Variants in ITSN1 observed in about 807,000 individuals in gnomAD.
The protein encoded by ITSN1 is intersectin 1.
ITSN1 carries 58 observed loss-of-function variants against 239.8 expected under a neutral mutation model. That is an observed-to-expected ratio of 0.24 (90% CI 0.20 to 0.30). ITSN1 has a LOEUF of 0.30. ITSN1 is among the 10% of genes least tolerant of loss of function. ITSN1 has a pLI of 1.00. For missense variants in ITSN1, 1,558 were observed against 2,103.3 expected, an observed-to-expected ratio of 0.74 and a Z score of 5.07; for synonymous variants, 780 against 770.8, an observed-to-expected ratio of 1.01 and a Z score of -0.20.
At chr21:33,690,775 G>GTATGTA (rs2091477064) in intron 1 of ITSN1, among the ~76,000 whole-genome samples, 8 of 21,622 alleles carry the variant, frequency 3.7e-4, no homozygotes, top group African/African-American at 1.3e-3. Flanking sequence ...AAAAAAAAGT[G>GTATGTA]TATATATATA....
intron 1 of ITSN1, among the ~76,000 whole-genome samples, chr21:33,698,631 G>C (rs1352879055): frequency 1.1e-4 from 16 of 152,146 alleles, no homozygotes; most frequent in Non-Finnish European, 1.6e-4. Context: ...TGACAATAGG[G>C]CATTGATCAG....
chr21:33,734,995 G>T, intron 4 of ITSN1, 49 bp from the exon 5 acceptor site: 1 of 1,534,546 alleles, frequency 6.5e-7, no homozygotes, highest in Non-Finnish European at 8.8e-7. Context: ...GTTTTGGAAA[G>T]GTTCTTTTAT....
chr21:33,649,233 A>C (rs2088276991), intron 1 of ITSN1, among the ~76,000 whole-genome samples: 1 of 152,190 alleles, frequency 6.6e-6, no homozygotes, highest in Non-Finnish European at 1.5e-5. Context: ...TGGAGATAGA[A>C]AGTGGCCTAA....
At chr21:33,768,342 C>T (rs957612100) in intron 11 of ITSN1, among the ~76,000 whole-genome samples, 6 of 152,060 alleles carry the variant, frequency 3.9e-5, no homozygotes, top group African/African-American at 1.2e-4. Context: ...AGTGGAGTGG[C>T]GCAATCTAGG....
intron 16 of ITSN1, among the ~76,000 whole-genome samples, chr21:33,793,136 G>A (rs2071276223): frequency 6.6e-6 from 1 of 152,076 alleles, no homozygotes; most frequent in African/African-American, 2.4e-5. Flanking sequence ...CTAACCCTTA[G>A]GATTTTTTTC....
At chr21:33,673,404 A>G (rs2090416980) in intron 1 of ITSN1, among the ~76,000 whole-genome samples, 2 of 152,320 alleles carry the variant, frequency 1.3e-5, no homozygotes, top group African/African-American at 4.8e-5. Context: ...ACACGTAGCT[A>G]TGTGAGGAGA....
chr21:33,777,251 T>G (rs527668942), intron 14 of ITSN1, among the ~76,000 whole-genome samples: 8 of 152,320 alleles, frequency 5.3e-5, no homozygotes, highest in African/African-American at 1.9e-4. Context: ...TTGAGTTACC[T>G]TGGTAGCTTG....
At chr21:33,694,855 C>G (rs935135792) in intron 1 of ITSN1, among the ~76,000 whole-genome samples, 1 of 152,154 alleles carries the variant, frequency 6.6e-6, no homozygotes, top group Non-Finnish European at 1.5e-5. Flanking sequence ...GGGTCTTTCA[C>G]TCAGGCTGCA....
At chr21:33,807,409 C>T (rs1380363456) in intron 20 of ITSN1, among the ~76,000 whole-genome samples, 1 of 152,216 alleles carries the variant, frequency 6.6e-6, no homozygotes, top group African/African-American at 2.4e-5. Flanking sequence ...GTGATTTTGG[C>T]TCACTGCAAC....
intron 33 of ITSN1, among the ~76,000 whole-genome samples, 161 bp from the exon 34 acceptor site, chr21:33,875,193 C>T (rs536107706): frequency 4.6e-5 from 7 of 152,316 alleles, no homozygotes; most frequent in South Asian, 2.1e-4. Context: ...TCATCTGCTA[C>T]GTGATTGCCA....
intron 1 of ITSN1, among the ~76,000 whole-genome samples, chr21:33,644,858 A>G (rs892572678): frequency 4.0e-5 from 6 of 149,784 alleles, no homozygotes; most frequent in African/African-American, 1.5e-4. Context: ...GGGTCTGGCT[A>G]TGTCACAGGC....
intron 33 of ITSN1, 86 bp from the exon 34 acceptor site, chr21:33,875,268 C>G: frequency 6.1e-6 from 9 of 1,480,642 alleles, no homozygotes; most frequent in Non-Finnish European, 1.9e-6. Flanking sequence ...TGCCCTGCCC[C>G]GCTGGGCCTG....
chr21:33,876,575 C>A (rs1983956026), intron 34 of ITSN1, among the ~76,000 whole-genome samples: 1 of 152,070 alleles, frequency 6.6e-6, no homozygotes. Context: ...AAATGTTAAT[C>A]CTTCTTATTT....
At chr21:33,653,585 C>T (rs1027565704) in intron 1 of ITSN1, among the ~76,000 whole-genome samples, 1 of 151,742 alleles carries the variant, frequency 6.6e-6, no homozygotes, top group African/African-American at 2.4e-5. Context: ...TGCAGTGGCA[C>T]GATCTCAGCT....
intron 1 of ITSN1, among the ~76,000 whole-genome samples, chr21:33,644,394 C>T (rs535335405): frequency 2.0e-5 from 3 of 151,950 alleles, no homozygotes; most frequent in Non-Finnish European, 2.9e-5. Flanking sequence ...TTAAGTAGTC[C>T]AGTGGAGATC....
At chr21:33,748,932 A>G (rs1206468494) in intron 5 of ITSN1, among the ~76,000 whole-genome samples, 1 of 152,070 alleles carries the variant, frequency 6.6e-6, no homozygotes, top group Non-Finnish European at 1.5e-5. Flanking sequence ...TTTACTCCAC[A>G]TGAAAGAAGG....
chr21:33,729,238 C>T (rs2066015412), intron 4 of ITSN1, among the ~76,000 whole-genome samples: 1 of 152,044 alleles, frequency 6.6e-6, no homozygotes. Context: ...ATCACTTGAG[C>T]CCAGGAGTTT....
intron 31 of ITSN1, among the ~76,000 whole-genome samples, chr21:33,860,558 T>G (rs1280787832): frequency 6.6e-6 from 1 of 152,124 alleles, no homozygotes; most frequent in Non-Finnish European, 1.5e-5. Context: ...TTGAGCTGTG[T>G]GGGGGGCCAG....
intron 1 of ITSN1, among the ~76,000 whole-genome samples, chr21:33,705,504 C>G (rs2092217440): frequency 6.6e-6 from 1 of 152,102 alleles, no homozygotes; most frequent in Non-Finnish European, 1.5e-5. Flanking sequence ...TCTCCTGCCT[C>G]AGCTTCCCGA....
Sources: gnomAD v4.1 joint callset for allele counts (sites outside exome capture counted in the v4.1 genomes callset) on GRCh38, gnomAD v4.1.1 for gene constraint, MANE v1.5 for transcripts, NCBI Gene and HGNC (gene_info 2026-07-23, HGNC 2026-07-21) for gene names.